CLCN7: variants seen among roughly 807,000 people sequenced by gnomAD.
CLCN7 encodes H(+)/Cl(-) exchange transporter 7.
CLCN7 carries 60 observed loss-of-function variants against 102.1 expected under a neutral mutation model. That is an observed-to-expected ratio of 0.59 (90% CI 0.48 to 0.73). The LOEUF (loss-of-function observed/expected upper bound fraction) is 0.73. CLCN7 is among the 30% of genes least tolerant of loss of function. The probability of loss-of-function intolerance (pLI) is 0.00; values close to 1 mark genes in which losing one functional copy is unlikely to be tolerated. For missense variants in CLCN7, 962 were observed against 1,125.7 expected (o/e 0.85, Z 2.08); for synonymous variants, 560 against 490.5 (o/e 1.14, Z -1.87).
chr16:1,469,174 C>T (rs1197894848), intron 1 of CLCN7, among the ~76,000 whole-genome samples: 3 of 151,842 alleles, frequency 2.0e-5, no homozygotes, highest in Non-Finnish European at 2.9e-5. Flanking sequence ...CCACTGTATT[C>T]CAGCCTGGGC....
Position 1,447,049 on chromosome 16 carries a change from G to A in CLCN7, c.2288C>T (p.Ala763Val), listed in dbSNP as rs2142364954. 1.2e-6 allele frequency: 2 copies of A among 1,602,612 alleles called. No homozygotes were observed. The highest frequency in any genetic ancestry group is 8.5e-7 in the Non-Finnish European group (1 of 1,178,234). ...SLPRVFKLFR[A>V]LGLRHLVVVD... is the part of the protein sequence containing the mutation. ...CACCACCAGGTGCCGCAGGCCCAGG[G>A]CCCGGAACAGCTTGAACACCCGTGG... is the stretch of plus-strand genomic sequence containing the variant. The change falls in exon 24 of 25, where the codon GCC becomes GTC. Residue 763 changes from alanine to valine, a missense_variant. Transcript: ENST00000382745.
chr16:1,455,707 A>AC (rs1406491738), intron 11 of CLCN7, 24 bp downstream of exon 11: 1 of 1,610,492 alleles, frequency 6.2e-7, no homozygotes, highest in Admixed American at 1.7e-5. Context: ...CCTGATCAGG[A>AC]GGCAGCCATC....
intron 1 of CLCN7, among the ~76,000 whole-genome samples, chr16:1,473,122 C>CA (rs1413479419): frequency 5.3e-5 from 8 of 151,926 alleles, no homozygotes; most frequent in Non-Finnish European, 1.2e-4. Context: ...TACACATACA[C>CA]ACACAGGCAT....
chr16:1,464,448 G>A (rs2038977439), intron 2 of CLCN7, among the ~76,000 whole-genome samples: 1 of 152,264 alleles, frequency 6.6e-6, no homozygotes, highest in African/African-American at 2.4e-5. Flanking sequence ...ATCTTCCGAA[G>A]GCCTTGTGGC....
chr16:1,474,809 C>G, intron 1 of CLCN7, 25 bp downstream of exon 1: 1 of 1,304,458 alleles, frequency 7.7e-7, no homozygotes, highest in Non-Finnish European at 9.7e-7. Context: ...CTCAGTTTCC[C>G]CGCCTGCGCC....
intron 16 of CLCN7, 71 bp downstream of exon 16, chr16:1,451,552 G>A: frequency 7.4e-7 from 1 of 1,347,106 alleles, no homozygotes; most frequent in Non-Finnish European, 1.0e-6. Flanking sequence ...AGCCCACAGG[G>A]GACACTCAGC....
At chr16:1,452,589 C>T in intron 15 of CLCN7, 166 bp downstream of exon 15, 2 of 724,384 alleles carry the variant, frequency 2.8e-6, no homozygotes, top group Middle Eastern at 3.9e-4. Flanking sequence ...CTGGCCTCCT[C>T]TGAGATCTGG....
At chr16:1,452,021 CG>C (rs2142373522) in intron 15 of CLCN7, 1 of 391,856 alleles carries the variant, frequency 2.6e-6, no homozygotes, top group Non-Finnish European at 4.9e-6. Context: ...TCCCTGGTGC[CG>C]GGGAAGGTGG....
At position 1,446,607 on chromosome 16, in the gene CLCN7, G is replaced by T; in HGVS notation, c.*24C>A. On this transcript the variant is annotated 3_prime_UTR_variant, in exon 25 of 25. Transcript: ENST00000382745. ...GAAGGGCCGGGGTGCCAGCGCCAGT[G>T]CCCATTATGGGCAGGGCTGGGCCTC... 1 of 1,543,000 alleles carries T rather than the reference G, an allele frequency of 6.5e-7. No individual in the cohort carries two copies. Among genetic ancestry groups the T allele is most frequent in the Non-Finnish European group, 8.8e-7 (1 of 1,138,626 alleles).
At chr16:1,462,461 C>T (rs1016948113) in intron 2 of CLCN7, among the ~76,000 whole-genome samples, 14 of 148,926 alleles carry the variant, frequency 9.4e-5, no homozygotes, top group Admixed American at 8.1e-4. Flanking sequence ...CTGCAACCTC[C>T]GCCTTCCAGG....
intron 1 of CLCN7, among the ~76,000 whole-genome samples, chr16:1,469,043 A>AC (rs2039043092): frequency 6.6e-6 from 1 of 151,292 alleles, no homozygotes; most frequent in African/African-American, 2.4e-5. Context: ...AAAAACGAAA[A>AC]AAAAAAAAAA....
chr16:1,471,035 C>T (rs1315665036), intron 1 of CLCN7, among the ~76,000 whole-genome samples: 5 of 152,172 alleles, frequency 3.3e-5, no homozygotes, highest in Admixed American at 2.0e-4. Flanking sequence ...ACCTCACCCT[C>T]GCCCTGTCCC....
At chr16:1,460,233 G>A (rs1187788294) in intron 6 of CLCN7, among the ~76,000 whole-genome samples, 185 bp downstream of exon 6, 1 of 151,856 alleles carries the variant, frequency 6.6e-6, no homozygotes, top group Non-Finnish European at 1.5e-5. Flanking sequence ...GGCTCTGGGG[G>A]TGAAGAGGCC....
At chr16:1,458,797 G>A (rs569155189) in intron 7 of CLCN7, among the ~76,000 whole-genome samples, 19 of 152,326 alleles carry the variant, frequency 1.2e-4, no homozygotes, top group South Asian at 4.1e-4. Context: ...CAGCTTCCAC[G>A]GTGAATCAGT....
chr16:1,446,488 G>T lies in CLCN7; in HGVS notation c.*143C>A. 1 of 787,054 alleles carries T rather than the reference G, an allele frequency of 1.3e-6. No individual in the cohort carries two copies. Among genetic ancestry groups the T allele is most frequent in the Non-Finnish European group, 2.2e-6 (1 of 460,458 alleles). The allele number at this position is 787,054 out of a possible 1,614,324, so 48.8% of individuals were successfully genotyped here. On this transcript the variant is annotated 3_prime_UTR_variant, in exon 25 of 25. Transcript: ENST00000382745. ...CCGCGAGAGGGTCAGTTCCGCGCCT[G>T]CCGCCTGCCCGCCCAGCTGCAGGGT...
intron 9 of CLCN7, 50 bp from the exon 10 acceptor site, chr16:1,456,256 T>C: frequency 7.2e-7 from 1 of 1,395,784 alleles, no homozygotes; most frequent in Non-Finnish European, 9.9e-7. Flanking sequence ...AGGGCACGGC[T>C]CTCAGAAAGG....
chr16:1,447,123 C>G, intron 23 of CLCN7, 37 bp from the exon 24 acceptor site: 1 of 1,551,802 alleles, frequency 6.4e-7, no homozygotes, highest in Non-Finnish European at 8.7e-7. Flanking sequence ...CCCGCCCACA[C>G]AGCAGAGGCA....
At chr16:1,473,278 A>G (rs1305169850) in intron 1 of CLCN7, among the ~76,000 whole-genome samples, 2 of 150,836 alleles carry the variant, frequency 1.3e-5, no homozygotes, top group Non-Finnish European at 2.9e-5. Flanking sequence ...AAGGCAGACT[A>G]TGACCTTCTT....
At chr16:1,448,647 C>A in intron 20 of CLCN7, 34 bp downstream of exon 20, 1 of 1,611,166 alleles carries the variant, frequency 6.2e-7, no homozygotes, top group Non-Finnish European at 8.5e-7. Context: ...CCGCTGGACA[C>A]CCTCCCCACC....
Sources: gnomAD v4.1 joint callset for allele counts (sites outside exome capture counted in the v4.1 genomes callset) on GRCh38, gnomAD v4.1.1 for gene constraint, MANE v1.5 for transcripts, NCBI Gene and HGNC (gene_info 2026-07-23, HGNC 2026-07-21) for gene names.